The following ERC1 variants were observed in gnomAD, a reference collection of about 807,000 sequenced individuals.
ERC1 encodes RAB6 interacting protein 2.
In ERC1, 56 loss-of-function variants were observed where a neutral mutation model predicts 132.0. That is an observed-to-expected ratio of 0.42 (90% CI 0.34 to 0.53). The LOEUF is 0.53. Among genes scored for constraint, ERC1 ranks in the 20% least tolerant of loss-of-function variants. The pLI, the probability that ERC1 is intolerant of heterozygous loss-of-function variation, is 0.03. For missense variants in ERC1, 1,202 were observed against 1,349.9 expected (o/e 0.89, Z 1.72); for synonymous variants, 478 against 476.1 (o/e 1.00, Z -0.05).
chr12:1,434,944 T>A (rs2092909637), intron 17 of ERC1, among the ~76,000 whole-genome samples: 1 of 152,206 alleles, frequency 6.6e-6, no homozygotes, highest in Non-Finnish European at 1.5e-5. Flanking sequence ...GCTTAACGTT[T>A]CGAGAGAGAG....
chr12:1,489,955 C>G, intron 18 of ERC1, 138 bp from the exon 19 acceptor site: 1 of 996,542 alleles, frequency 1.0e-6, no homozygotes, highest in Non-Finnish European at 1.5e-6. Flanking sequence ...TTTGCTTTTA[C>G]ACTTTTCTTA....
chr12:1,259,068 T>C (rs2076982066), intron 13 of ERC1, among the ~76,000 whole-genome samples: 1 of 150,760 alleles, frequency 6.6e-6, no homozygotes, highest in Admixed American at 6.6e-5. Context: ...TTTTAACATA[T>C]TTTTCAATTT....
chr12:1,148,088 A>G (rs1387192340), intron 8 of ERC1, among the ~76,000 whole-genome samples: 1 of 152,206 alleles, frequency 6.6e-6, no homozygotes, highest in Non-Finnish European at 1.5e-5. Context: ...GCCTTAGATG[A>G]TTAATGTTAC....
At chr12:1,199,067 G>T (rs1456859915) in intron 12 of ERC1, among the ~76,000 whole-genome samples, 1 of 147,374 alleles carries the variant, frequency 6.8e-6, no homozygotes, top group African/African-American at 2.5e-5. Context: ...CCACCGTCAT[G>T]ACCCAGTCAC....
chr12:1,422,568 T>C (rs1309519264), intron 17 of ERC1, among the ~76,000 whole-genome samples: 1 of 152,220 alleles, frequency 6.6e-6, no homozygotes, highest in African/African-American at 2.4e-5. Context: ...TTGCATTGTA[T>C]AGATATTTGC....
intron 15 of ERC1, among the ~76,000 whole-genome samples, chr12:1,330,051 C>G (rs925496318): frequency 1.3e-5 from 2 of 152,188 alleles, no homozygotes. Flanking sequence ...CAAGCAGTAT[C>G]CTTTGTTTTA....
At chr12:1,376,246 A>T (rs2087900042) in intron 16 of ERC1, among the ~76,000 whole-genome samples, 1 of 152,210 alleles carries the variant, frequency 6.6e-6, no homozygotes, top group African/African-American at 2.4e-5. Flanking sequence ...TAGAATTTTT[A>T]AAAAATAATT....
intron 3 of ERC1, 100 bp downstream of exon 3, chr12:1,083,680 C>T (rs1565933463): frequency 2.2e-6 from 2 of 916,424 alleles, no homozygotes; most frequent in East Asian, 2.4e-5. Context: ...CTCTGCCGTG[C>T]TGGTGGAAGA....
intron 3 of ERC1, among the ~76,000 whole-genome samples, chr12:1,095,930 ATTT>A (rs372053389): frequency 6.2e-5 from 9 of 144,662 alleles, no homozygotes; most frequent in Admixed American, 1.4e-4. Context: ...GCAGGGAAGG[ATTT>A]TTTTTTTTTT....
At chr12:1,061,917 C>T (rs993227228) in intron 2 of ERC1, among the ~76,000 whole-genome samples, 3 of 151,216 alleles carry the variant, frequency 2.0e-5, no homozygotes, top group African/African-American at 7.3e-5. Flanking sequence ...TTGCTGTAAA[C>T]CCCCCTCTTT....
chr12:1,231,715 T>C (rs1053941535), intron 12 of ERC1, among the ~76,000 whole-genome samples: 81 of 152,260 alleles, frequency 5.3e-4, no homozygotes, highest in African/African-American at 1.8e-3. Flanking sequence ...CTCCTTGATA[T>C]TGTATTATTT....
intron 15 of ERC1, among the ~76,000 whole-genome samples, chr12:1,333,365 A>G (rs7968772): frequency 0.46 from 61,746 of 133,374 alleles, 14,409 homozygotes; most frequent in African/African-American, 0.58. Context: ...ATGGAGTCTC[A>G]CTCTGTCGCC....
chr12:1,342,787 A>G (rs1352942344), intron 15 of ERC1, among the ~76,000 whole-genome samples: 1 of 152,214 alleles, frequency 6.6e-6, no homozygotes, highest in Non-Finnish European at 1.5e-5. Context: ...AGAATGTTTG[A>G]GGAGAATTTT....
At chr12:1,083,716 C>A in intron 3 of ERC1, 136 bp downstream of exon 3, 3 of 675,356 alleles carry the variant, frequency 4.4e-6, no homozygotes, top group South Asian at 1.9e-5. Context: ...TATTTAAGTG[C>A]GTCACTGATT....
chr12:1,205,325 GT>G (rs1957254690), intron 12 of ERC1, among the ~76,000 whole-genome samples: 1 of 151,498 alleles, frequency 6.6e-6, no homozygotes, highest in East Asian at 1.9e-4. Flanking sequence ...TATCATATGT[GT>G]TTTACCTAGC....
rs866874008 is a variant in ERC1, at chr12:1,082,484, A to T, written c.670-680A>T. ...TTGTATTTTTTGATGAAAAAAAAAA[A>T]TTTTTTTTTTTTTTTTTTTTTTAAG... On this transcript the variant is annotated intron_variant, in intron 2 of 18. Coordinates refer to ENST00000360905, the MANE Select transcript of ERC1 (RefSeq NM_178040.4). Among the ~76,000 whole-genome samples, 349 of 113,686 alleles carry T rather than the reference A, an allele frequency of 3.1e-3. 1 individual carries two copies. The highest frequency in any genetic ancestry group is 0.013 in the African/African-American group (328 of 26,074). The allele number at this position is 113,686 out of a possible 152,430, so 74.6% of individuals were successfully genotyped here.
rs1447028130 is a variant in ERC1, at chr12:991,227, G to A, written c.-252G>A. 1 of 151,866 alleles carries A rather than the reference G, an allele frequency of 6.6e-6. No individual in the cohort carries two copies. Among genetic ancestry groups the A allele is most frequent in the Non-Finnish European group, 1.4e-5 (1 of 69,614 alleles). The allele number at this position is 151,866 out of a possible 1,614,324, so 9.4% of individuals were successfully genotyped here. A position where few individuals can be genotyped will look rare whatever the true frequency, so the allele number is the denominator to read the frequency against. ...GGGGCGGGGCGCGGTGACGTCGCGG[G>A]CGCCTGGGCCGTGCTGTGGCGGCGG... On this transcript the variant is annotated 5_prime_UTR_variant, in exon 1 of 19. Transcript: ENST00000360905.
chr12:1,061,018 C>T (rs962463001), intron 2 of ERC1, among the ~76,000 whole-genome samples: 6 of 152,134 alleles, frequency 3.9e-5, no homozygotes, highest in Admixed American at 6.5e-5. Flanking sequence ...TGAGCCACCA[C>T]GCCTGGCCAC....
intron 14 of ERC1, among the ~76,000 whole-genome samples, chr12:1,282,029 AT>A (rs934365459): frequency 2.0e-5 from 3 of 150,128 alleles, no homozygotes; most frequent in Non-Finnish European, 1.5e-5. Flanking sequence ...TTCTGAGTTG[AT>A]TTTTTTTTTA....
Sources: gnomAD v4.1 joint callset for allele counts (sites outside exome capture counted in the v4.1 genomes callset) on GRCh38, gnomAD v4.1.1 for gene constraint, MANE v1.5 for transcripts, NCBI Gene and HGNC (gene_info 2026-07-23, HGNC 2026-07-21) for gene names.